The following SLC38A9 variants were observed in gnomAD, a reference collection of about 807,000 sequenced individuals.
SLC38A9 encodes the protein neutral amino acid transporter 9.
A neutral mutation model predicts 62.3 loss-of-function variants in SLC38A9; 48 were observed. The ratio of observed to expected loss-of-function variants is 0.77; its 90% CI spans 0.61 to 0.98. The LOEUF (loss-of-function observed/expected upper bound fraction) is 0.98, where lower values mean the gene tolerates loss of function less well. Among genes scored for constraint, SLC38A9 ranks in the 50% least tolerant of loss-of-function variants. The pLI, the probability that SLC38A9 is intolerant of heterozygous loss-of-function variation, is 0.00. For missense variants in SLC38A9, 541 were observed against 679.8 expected, an observed-to-expected ratio of 0.80 and a Z score of 2.27; for synonymous variants, 204 against 227.7, an observed-to-expected ratio of 0.90 and a Z score of 0.94.
intron 2 of SLC38A9, among the ~76,000 whole-genome samples, chr5:55,698,556 C>T (rs1756228369): frequency 6.6e-6 from 1 of 152,188 alleles, no homozygotes; most frequent in African/African-American, 2.4e-5. Context: ...ACAGCTGGAA[C>T]TATAAAGACC....
intron 3 of SLC38A9, chr5:55,691,103 CCTG>C: frequency 1.4e-6 from 1 of 697,444 alleles, no homozygotes; most frequent in Non-Finnish European, 2.6e-6. Flanking sequence ...AGGAATGCTG[CCTG>C]TACCCCACTT....
intron 2 of SLC38A9, among the ~76,000 whole-genome samples, chr5:55,700,359 C>CAAAAAAAA (rs145225219): frequency 7.2e-6 from 1 of 138,984 alleles, no homozygotes; most frequent in Non-Finnish European, 1.5e-5. Context: ...ATAAAACAAG[C>CAAAAAAAA]CAAAAAAAAA....
chr5:55,637,937 G>A (rs188036839), intron 12 of SLC38A9, among the ~76,000 whole-genome samples: 1 of 152,052 alleles, frequency 6.6e-6, no homozygotes, highest in Admixed American at 6.6e-5. Flanking sequence ...ATGGGGAGCT[G>A]ACCAGTCTCC....
intron 13 of SLC38A9, chr5:55,635,288 C>G (rs1030274919): frequency 2.2e-5 from 11 of 509,246 alleles, no homozygotes; most frequent in Admixed American, 1.3e-4. Flanking sequence ...CCACAAGGTG[C>G]CTGGCATGTA....
At chr5:55,635,486 C>T (rs763394073) in intron 13 of SLC38A9, 58 bp downstream of exon 13, 3 of 1,241,340 alleles carry the variant, frequency 2.4e-6, no homozygotes, top group Non-Finnish European at 2.4e-6. Context: ...ATCACCCTAC[C>T]TACTATAAAT....
intron 4 of SLC38A9, among the ~76,000 whole-genome samples, chr5:55,671,190 T>C (rs1323198554): frequency 7.8e-5 from 2 of 25,644 alleles, no homozygotes; most frequent in Admixed American, 7.2e-4. Flanking sequence ...CCAAATTACT[T>C]ATATATATTT....
chr5:55,687,287 C>T (rs1414916471), intron 3 of SLC38A9, among the ~76,000 whole-genome samples: 2 of 150,426 alleles, frequency 1.3e-5, no homozygotes, highest in Non-Finnish European at 3.0e-5. Context: ...ATTAGCCGGG[C>T]GCAGTGGCGG....
chr5:55,672,563 C>G lies in SLC38A9; in HGVS notation c.246G>C (p.Leu82=). 6.2e-7 allele frequency: 1 copy of G among 1,613,640 alleles called. No individual in the cohort carries two copies. The highest frequency in any genetic ancestry group is 8.5e-7 in the Non-Finnish European group (1 of 1,179,838). Residue 82 remains leucine, a splice_region_variant and synonymous_variant, in exon 4 of 16, where the codon CTG becomes CTC. Transcript: ENST00000396865. The part of the protein sequence containing the change: ...SRLTTPADKA[L]IAPDHVVPAP... ...CTATTAGTAATGTTTTGTCTCTTAC[C>G]AGTGCCTTGTCTGCAGGAGTGGTGA...
intron 8 of SLC38A9, among the ~76,000 whole-genome samples, chr5:55,660,134 G>A (rs1462715540): frequency 1.3e-5 from 2 of 151,128 alleles, no homozygotes; most frequent in Non-Finnish European, 2.9e-5. Flanking sequence ...CAAGGGGCAG[G>A]GCACGGTGGG....
intron 8 of SLC38A9, 32 bp from the exon 9 acceptor site, chr5:55,656,806 C>T (rs1260434462): frequency 4.3e-6 from 5 of 1,174,160 alleles, no homozygotes; most frequent in Non-Finnish European, 6.2e-6. Context: ...TAGTTTAACA[C>T]TGAATGAAAG....
At chr5:55,674,149 A>C (rs1215336948) in intron 3 of SLC38A9, among the ~76,000 whole-genome samples, 1 of 152,234 alleles carries the variant, frequency 6.6e-6, no homozygotes, top group Non-Finnish European at 1.5e-5. Context: ...TCTAGTTAGC[A>C]TACAGAATCT....
chr5:55,657,257 T>TA (rs1748620564), intron 8 of SLC38A9, among the ~76,000 whole-genome samples: 1 of 152,226 alleles, frequency 6.6e-6, no homozygotes, highest in Non-Finnish European at 1.5e-5. Context: ...ATGATAATGT[T>TA]AGTGTCTTCA....
intron 2 of SLC38A9, chr5:55,702,806 C>T (rs1005941236): frequency 6.6e-6 from 1 of 152,012 alleles, no homozygotes. Context: ...ATTTTCTTTT[C>T]TCTGTTGTTT....
chr5:55,670,537 G>C (rs1751137368), intron 4 of SLC38A9, among the ~76,000 whole-genome samples: 1 of 152,150 alleles, frequency 6.6e-6, no homozygotes, highest in South Asian at 2.1e-4. Context: ...CAGAAAACGA[G>C]TGTGGATGTA....
intron 3 of SLC38A9, among the ~76,000 whole-genome samples, chr5:55,697,623 C>T (rs1756067781): frequency 6.8e-6 from 1 of 146,156 alleles, no homozygotes; most frequent in South Asian, 2.2e-4. Context: ...GTTACCCCAA[C>T]CACTCCCCCA....
intron 12 of SLC38A9, among the ~76,000 whole-genome samples, chr5:55,641,323 C>T (rs934244448): frequency 5.3e-5 from 8 of 152,350 alleles, no homozygotes; most frequent in Admixed American, 3.3e-4. Flanking sequence ...TTTATCCTTA[C>T]TGTGCACCAG....
Position 55,667,229 on chromosome 5 carries a change from T to G in SLC38A9, c.526+1999A>C, listed in dbSNP as rs1016568981. ...CTTCTAGTTTTTATATTATTTAGGG[T>G]TTTTTTTGCTGCATTTGACAATATC... On this transcript the variant is annotated intron_variant, in intron 7 of 15. Coordinates refer to ENST00000396865, the MANE Select transcript of SLC38A9 (RefSeq NM_173514.4). Among the ~76,000 whole-genome samples, 5 of 25,688 alleles carry G rather than the reference T, an allele frequency of 1.9e-4. No homozygotes were observed. The South Asian group carries it at 6.7e-3, about 34-fold the overall frequency. The allele number at this position is 25,688 out of a possible 152,430, so 16.9% of individuals were successfully genotyped here. A position where few individuals can be genotyped will look rare whatever the true frequency, so the allele number is the denominator to read the frequency against.
chr5:55,633,848 A>G lies in SLC38A9; in HGVS notation c.1336T>C (p.Phe446Leu). ...ACAGTCATCATCTGGAACAGCAGGA[A>G]TATCCTTGCAATGAAGGACAGGGTG... Reference protein sequence around the residue: ...SDTLSFIARIFLLFQMMTVYP... With the variant: ...SDTLSFIARILLLFQMMTVYP... The change falls in exon 14 of 16, where the codon TTC becomes CTC. Residue 446 changes from phenylalanine (F) to leucine (L), a missense_variant. Coordinates refer to ENST00000396865, the MANE Select transcript of SLC38A9 (RefSeq NM_173514.4). 1 of 1,613,942 alleles carries G rather than the reference A, an allele frequency of 6.2e-7. No homozygotes were observed. The highest frequency in any genetic ancestry group is 8.5e-7 in the Non-Finnish European group (1 of 1,179,932).
chr5:55,707,111 G>A (rs1199796389), intron 2 of SLC38A9, among the ~76,000 whole-genome samples: 1 of 151,848 alleles, frequency 6.6e-6, no homozygotes, highest in East Asian at 1.9e-4. Flanking sequence ...TGCCCAGCCT[G>A]GCCTCAAGTA....
Sources: allele counts gnomAD v4.1 joint callset (sites outside exome capture counted in the v4.1 genomes callset), GRCh38; gene constraint gnomAD v4.1.1; transcripts MANE v1.5; gene names NCBI Gene and HGNC (gene_info 2026-07-23, HGNC 2026-07-21).